Variants in STK32B observed in about 807,000 individuals in gnomAD.
STK32B encodes serine/threonine-protein kinase 32B.
STK32B carries 43 observed loss-of-function variants against 52.6 expected under a neutral mutation model. The observed-to-expected ratio is 0.82, with a 90% CI of 0.64 to 1.05. STK32B has a LOEUF of 1.05. Ranked by LOEUF, STK32B falls within the 50% of genes least tolerant of loss-of-function variation. The pLI, the probability that STK32B is intolerant of heterozygous loss-of-function variation, is 0.00. For missense variants in STK32B, 621 were observed against 534.6 expected (o/e 1.16, Z -1.59); for synonymous variants, 238 against 204.3 (o/e 1.17, Z -1.41).
intron 1 of STK32B, chr4:5,127,031 T>C (rs985828796): frequency 2.1e-6 from 1 of 472,522 alleles, no homozygotes; most frequent in African/African-American, 2.0e-5. Context: ...ATGCTCAGAA[T>C]GCTCAATGCT....
intron 6 of STK32B, among the ~76,000 whole-genome samples, chr4:5,446,223 A>G (rs1439987633): frequency 6.6e-6 from 1 of 152,252 alleles, no homozygotes; most frequent in Non-Finnish European, 1.5e-5. Flanking sequence ...TACTGAGGGT[A>G]CAAACCACAT....
In STK32B at chr4:5,390,599, T is replaced by G. The variant is rs1226350794; in HGVS notation, c.435-7608T>G. On this transcript the variant is annotated intron_variant, in intron 4 of 11. Transcript: ENST00000282908. ...TGTCTTCAGGTGGCCTTCTCCTCTG[T>G]GTGTACCTGGTCTCCTGGCAGCAGG... 2.0e-5 allele frequency among the ~76,000 whole-genome samples: 3 copies of G among 152,100 alleles called. No homozygotes were observed. In the East Asian group the frequency reaches 5.8e-4, roughly 29 times the overall value.
chr4:5,170,741 G>A (rs1050561162), intron 3 of STK32B, among the ~76,000 whole-genome samples: 2 of 152,146 alleles, frequency 1.3e-5, no homozygotes, highest in Non-Finnish European at 2.9e-5. Flanking sequence ...CCAAGTCTTT[G>A]CTATTGTGAA....
chr4:5,499,250 C>T lies in STK32B; in HGVS notation c.*167C>T. ...CTGGGTTCTGGTCCCATCTCCATGA[C>T]TGATTCACGTGTGACCTCAGACAAG... On this transcript the variant is annotated 3_prime_UTR_variant, in exon 12 of 12. Transcript: ENST00000282908. 1 of 944,438 alleles carries T rather than the reference C, an allele frequency of 1.1e-6. No individual in the cohort carries two copies. The highest frequency in any genetic ancestry group is 1.5e-6 in the Non-Finnish European group (1 of 679,002). 58.5% of individuals were successfully genotyped at this position (944,438 alleles called of 1,614,324 possible).
In STK32B at chr4:5,395,657, G is replaced by A. The variant is rs1379913904; in HGVS notation, c.435-2550G>A. ...ACGTGTCCTTCATGACCGCAAAGGG[G>A]ACACCCCCGTAAATGCTTGAGATTC... On this transcript the variant is annotated intron_variant, in intron 4 of 11. Transcript: ENST00000282908. The surrounding 1 kb of genome is among the most constrained non-coding windows in gnomAD (Gnocchi z 4.4). 6.6e-6 allele frequency among the ~76,000 whole-genome samples: 1 copy of A among 152,182 alleles called. No individual in the cohort carries two copies. The highest frequency in any genetic ancestry group is 1.5e-5 in the Non-Finnish European group (1 of 68,042).
At chr4:5,314,322 G>T (rs965041842) in intron 3 of STK32B, among the ~76,000 whole-genome samples, 2 of 152,112 alleles carry the variant, frequency 1.3e-5, no homozygotes, top group African/African-American at 4.8e-5. Flanking sequence ...AATAGTAATT[G>T]GACAACTGTA....
At chr4:5,171,723 G>C (rs1326846877) in intron 3 of STK32B, among the ~76,000 whole-genome samples, 4 of 147,334 alleles carry the variant, frequency 2.7e-5, no homozygotes, top group Admixed American at 6.7e-5. Context: ...TTGTAGTATG[G>C]TTTGAAGTCA....
At chr4:5,373,609 A>G (rs1359781266) in intron 4 of STK32B, among the ~76,000 whole-genome samples, 1 of 152,186 alleles carries the variant, frequency 6.6e-6, no homozygotes, top group African/African-American at 2.4e-5. Flanking sequence ...ACACCTGGGA[A>G]TCACTGGGAG....
chr4:5,484,647 A>G (rs1444968911), intron 11 of STK32B, among the ~76,000 whole-genome samples: 1 of 151,928 alleles, frequency 6.6e-6, no homozygotes, highest in Non-Finnish European at 1.5e-5. Context: ...TTAGCTGGTT[A>G]TTTTGCTCGT....
At position 5,399,137 on chromosome 4, in the gene STK32B, G is replaced by A. The variant is rs560598843; in HGVS notation, c.472+893G>A. On this transcript the variant is annotated intron_variant, in intron 5 of 11. Coordinates refer to ENST00000282908, the MANE Select transcript of STK32B (RefSeq NM_018401.3). This position sits in a 1 kb window ranked among gnomAD's most constrained non-coding sequence, Gnocchi z 5.4. ...GGCTGATGCCAACAGGAGACTTACA[G>A]CCTTCAAAACTAAATTCACTGGCAT... Among the ~76,000 whole-genome samples the A allele has an allele frequency of 2.6e-4, 39 of 152,338 alleles. No individual in the cohort carries two copies. The highest frequency in any genetic ancestry group is 8.9e-4 in the African/African-American group (37 of 41,594).
intron 5 of STK32B, among the ~76,000 whole-genome samples, chr4:5,408,072 G>T (rs1043884908): frequency 5.3e-5 from 8 of 152,126 alleles, no homozygotes; most frequent in African/African-American, 1.9e-4. Flanking sequence ...GGACTTCCCA[G>T]CCTCCAGAAC....
At chr4:5,197,629 G>A (rs1258179350) in intron 3 of STK32B, among the ~76,000 whole-genome samples, 1 of 152,192 alleles carries the variant, frequency 6.6e-6, no homozygotes, top group African/African-American at 2.4e-5. Context: ...TTGGTAGAAG[G>A]CATGAATAAT....
chr4:5,036,286 A>G, the STK32B span, among the ~76,000 whole-genome samples: 1 of 152,196 alleles, frequency 6.6e-6, no homozygotes, highest in African/African-American at 2.4e-5. Flanking sequence ...AGCACTGAGC[A>G]TAGCCCTGAC....
At chr4:5,478,215 G>A (rs909086274) in intron 11 of STK32B, among the ~76,000 whole-genome samples, 1 of 152,162 alleles carries the variant, frequency 6.6e-6, no homozygotes, top group African/African-American at 2.4e-5. Context: ...ATGAGAAGTT[G>A]TGGAATGAAG....
intron 9 of STK32B, among the ~76,000 whole-genome samples, chr4:5,462,661 A>G (rs1717126449): frequency 1.3e-5 from 2 of 152,170 alleles, no homozygotes; most frequent in African/African-American, 4.8e-5. Flanking sequence ...CTTACAGACA[A>G]CAGTGCACAG....
At chr4:5,225,200 C>T (rs1165749838) in intron 3 of STK32B, among the ~76,000 whole-genome samples, 1 of 152,168 alleles carries the variant, frequency 6.6e-6, no homozygotes, top group East Asian at 1.9e-4. Flanking sequence ...AGGTGGATCA[C>T]TTGAGGTCAG....
intron 3 of STK32B, among the ~76,000 whole-genome samples, chr4:5,284,960 C>T (rs565576055): frequency 6.6e-6 from 1 of 152,262 alleles, no homozygotes; most frequent in South Asian, 2.1e-4. Flanking sequence ...GTTAAATTGC[C>T]TGATAATGTA....
At chr4:5,292,811 A>G (rs1005848099) in intron 3 of STK32B, among the ~76,000 whole-genome samples, 36 of 151,970 alleles carry the variant, frequency 2.4e-4, no homozygotes, top group African/African-American at 7.0e-4. Context: ...TCTGGGATAC[A>G]TGTGCAGAAT....
the STK32B span, among the ~76,000 whole-genome samples, chr4:5,033,499 G>A: frequency 4.6e-5 from 7 of 152,210 alleles, no homozygotes; most frequent in East Asian, 3.9e-4. Flanking sequence ...AAAGCAATTC[G>A]GAAACTGGCT....
Sources: gnomAD v4.1 joint callset for allele counts (sites outside exome capture counted in the v4.1 genomes callset) on GRCh38, gnomAD v4.1.1 for gene constraint, Gnocchi (gnomAD v3.1) non-coding constraint, MANE v1.5 for transcripts, NCBI Gene and HGNC (gene_info 2026-07-23, HGNC 2026-07-21) for gene names.